IGF2BP2: variants seen among roughly 807,000 people sequenced by gnomAD.
IGF2BP2 encodes the protein insulin-like growth factor 2 mRNA-binding protein 2.
Under a neutral mutation model 75.8 loss-of-function variants are expected in IGF2BP2, and 17 were observed. The ratio of observed to expected loss-of-function variants is 0.22; its 90% CI spans 0.15 to 0.34. The LOEUF (loss-of-function observed/expected upper bound fraction) is 0.34, where lower values mean the gene tolerates loss of function less well. Among genes scored for constraint, IGF2BP2 ranks in the 10% least tolerant of loss-of-function variants. The pLI, the probability that IGF2BP2 is intolerant of heterozygous loss-of-function variation, is 1.00. For synonymous variants in IGF2BP2, 288 were observed against 295.6 expected (o/e 0.97, Z 0.26); for missense variants, 516 against 772.4 (o/e 0.67, Z 3.93).
intron 13 of IGF2BP2, among the ~76,000 whole-genome samples, chr3:185,650,706 T>C (rs183734686): frequency 6.8e-6 from 1 of 147,346 alleles, no homozygotes. Context: ...AAAAAAAAAA[T>C]ATATCAATTT....
At chr3:185,648,526 T>C (rs1401506390) in intron 14 of IGF2BP2, among the ~76,000 whole-genome samples, 2 of 142,696 alleles carry the variant, frequency 1.4e-5, no homozygotes, top group Admixed American at 1.4e-4. Context: ...TATATACACA[T>C]ACACACTCAG....
intron 2 of IGF2BP2, among the ~76,000 whole-genome samples, chr3:185,801,210 C>G (rs1157010961): frequency 6.6e-6 from 1 of 152,186 alleles, no homozygotes; most frequent in Non-Finnish European, 1.5e-5. Context: ...CAGGAAACAG[C>G]TGGGCACGGT....
chr3:185,803,765 G>A (rs1187013166), intron 2 of IGF2BP2, among the ~76,000 whole-genome samples: 3 of 152,166 alleles, frequency 2.0e-5, no homozygotes, highest in Non-Finnish European at 4.4e-5. Context: ...TTAAAGGGGG[G>A]TAGGGGTACT....
At chr3:185,650,556 A>C (rs750482176) in intron 13 of IGF2BP2, among the ~76,000 whole-genome samples, 13 of 152,108 alleles carry the variant, frequency 8.5e-5, no homozygotes, top group Non-Finnish European at 1.5e-4. Flanking sequence ...ATGCCCCTGT[A>C]ATTCCAGCTA....
chr3:185,809,042 C>A (rs1398176085), intron 2 of IGF2BP2, among the ~76,000 whole-genome samples: 1 of 151,936 alleles, frequency 6.6e-6, no homozygotes, highest in Middle Eastern at 3.2e-3. Context: ...TATCTTAAAT[C>A]CGATTCTTGT....
intron 2 of IGF2BP2, among the ~76,000 whole-genome samples, chr3:185,729,496 C>A (rs889592027): frequency 6.6e-6 from 1 of 152,294 alleles, no homozygotes; most frequent in South Asian, 2.1e-4. Context: ...TCCCAATACT[C>A]GTCATGATAG....
At chr3:185,705,763 G>A (rs1212226150) in intron 2 of IGF2BP2, among the ~76,000 whole-genome samples, 2 of 152,150 alleles carry the variant, frequency 1.3e-5, no homozygotes, top group African/African-American at 4.8e-5. Context: ...CTGTGTCTCT[G>A]GATGGAGGAA....
intron 2 of IGF2BP2, among the ~76,000 whole-genome samples, chr3:185,724,123 T>C (rs923847671): frequency 1.3e-5 from 2 of 152,060 alleles, no homozygotes; most frequent in African/African-American, 4.8e-5. Flanking sequence ...AATGAACAGA[T>C]AAGGAGAGAA....
intron 10 of IGF2BP2, among the ~76,000 whole-genome samples, chr3:185,671,886 A>C (rs1365230896): frequency 6.6e-6 from 1 of 152,222 alleles, no homozygotes; most frequent in Non-Finnish European, 1.5e-5. Context: ...GGAATGAAAA[A>C]AAGCTGTCAA....
intron 2 of IGF2BP2, chr3:185,712,735 A>T (rs1401765011): frequency 1.3e-5 from 2 of 152,164 alleles, no homozygotes; most frequent in African/African-American, 4.8e-5. Context: ...TGGAAAAAAA[A>T]AAACAATAAT....
chr3:185,751,965 AAAT>A (rs1197973964), intron 2 of IGF2BP2, among the ~76,000 whole-genome samples: 3 of 152,098 alleles, frequency 2.0e-5, no homozygotes, highest in African/African-American at 7.2e-5. Context: ...CTGTCTCAAA[AAAT>A]AATAATAATA....
At chr3:185,661,526 A>G (rs909111690) in intron 10 of IGF2BP2, among the ~76,000 whole-genome samples, 4 of 150,494 alleles carry the variant, frequency 2.7e-5, no homozygotes, top group African/African-American at 9.8e-5. Context: ...AATTCCAGCT[A>G]TTCAGGAGGC....
chr3:185,728,863 G>T (rs1043198330), intron 2 of IGF2BP2: 7 of 152,134 alleles, frequency 4.6e-5, no homozygotes, highest in African/African-American at 7.2e-5. Context: ...CCTTTCAGGG[G>T]TTATTAGGTA....
chr3:185,677,068 TAGAGAGAGAGAGAGAG>T (rs71164535), intron 7 of IGF2BP2, among the ~76,000 whole-genome samples: 2 of 35,862 alleles, frequency 5.6e-5, no homozygotes, highest in South Asian at 1.1e-3. Context: ...TATATATATA[TAGAGAGAGAGAGAGAG>T]AGAGAGAGAG....
chr3:185,678,332 G>T (rs758137284), intron 7 of IGF2BP2, among the ~76,000 whole-genome samples: 1 of 152,142 alleles, frequency 6.6e-6, no homozygotes, highest in Non-Finnish European at 1.5e-5. Context: ...TGCCAACCAA[G>T]GACACCATGT....
chr3:185,676,523 A>G (rs1234023593), intron 7 of IGF2BP2, among the ~76,000 whole-genome samples: 1 of 152,032 alleles, frequency 6.6e-6, no homozygotes, highest in African/African-American at 2.4e-5. Context: ...CTAAAAACAC[A>G]AAATTAGCCA....
chr3:185,802,318 A>G (rs1249993800), intron 2 of IGF2BP2, among the ~76,000 whole-genome samples: 3 of 152,256 alleles, frequency 2.0e-5, no homozygotes, highest in Non-Finnish European at 2.9e-5. Context: ...TAACCAAGAC[A>G]TGTTCTTGAC....
intron 10 of IGF2BP2, among the ~76,000 whole-genome samples, chr3:185,659,969 T>C (rs1443211994): frequency 2.0e-5 from 3 of 152,028 alleles, no homozygotes; most frequent in African/African-American, 7.2e-5. Flanking sequence ...TAATTTTGTA[T>C]TGTTAGTAGA....
Position 185,802,179 on chromosome 3 carries a change from A to G in IGF2BP2, c.239+20974T>C, listed in dbSNP as rs1313466261. ...CATGTATCCCAGAACTTAAAATTAGAAAAAAAAAAGAAATCTGGAAGGTAA... is the reference window on the plus strand; with the variant it reads ...CATGTATCCCAGAACTTAAAATTAGGAAAAAAAAAGAAATCTGGAAGGTAA... On this transcript the variant is annotated intron_variant, in intron 2 of 15. Transcript: ENST00000382199. Among the ~76,000 whole-genome samples, 3 of 149,804 alleles carry G rather than the reference A, an allele frequency of 2.0e-5. No individual in the cohort carries two copies. In the South Asian group the frequency reaches 6.4e-4, roughly 32 times the overall value.
Sources: allele counts gnomAD v4.1 joint callset (sites outside exome capture counted in the v4.1 genomes callset), GRCh38; gene constraint gnomAD v4.1.1; transcripts MANE v1.5; gene names NCBI Gene and HGNC (gene_info 2026-07-23, HGNC 2026-07-21).